Variants in ANKS1B observed in about 807,000 individuals in gnomAD.
The protein encoded by ANKS1B is ankyrin repeat and sterile alpha motif domain containing 1B.
ANKS1B carries 36 observed loss-of-function variants against 148.3 expected under a neutral mutation model. The observed-to-expected ratio is 0.24, with a 90% CI of 0.19 to 0.32. ANKS1B has a LOEUF of 0.32. ANKS1B is among the 10% of genes least tolerant of loss of function. The pLI is 1.00. For missense variants in ANKS1B, 1,157 were observed against 1,542.6 expected, an observed-to-expected ratio of 0.75 and a Z score of 4.19; for synonymous variants, 542 against 560.8, an observed-to-expected ratio of 0.97 and a Z score of 0.47.
chr12:99,373,254 A>C (rs2093236271), intron 12 of ANKS1B, among the ~76,000 whole-genome samples: 2 of 152,166 alleles, frequency 1.3e-5, no homozygotes, highest in Admixed American at 1.3e-4. Context: ...ATGTAACTGT[A>C]AAGAGTCAGT....
chr12:99,957,245 T>C (rs17029879), intron 1 of ANKS1B, among the ~76,000 whole-genome samples: 6,112 of 152,182 alleles, frequency 0.04, 393 homozygotes, highest in African/African-American at 0.14. Context: ...ATTGATCAAG[T>C]TCTTTCCCTT....
chr12:99,977,444 C>A (rs1341405898), intron 1 of ANKS1B, among the ~76,000 whole-genome samples: 2 of 152,208 alleles, frequency 1.3e-5, no homozygotes, highest in Admixed American at 1.3e-4. Flanking sequence ...CCACCACGTC[C>A]AGACAGATCC....
intron 12 of ANKS1B, among the ~76,000 whole-genome samples, chr12:99,260,276 A>G (rs956663307): frequency 2.6e-5 from 4 of 152,244 alleles, no homozygotes; most frequent in African/African-American, 9.6e-5. Flanking sequence ...AGGGACAGAA[A>G]CTATTTTTAA....
chr12:99,668,793 CATG>C (rs1368676402), intron 8 of ANKS1B, among the ~76,000 whole-genome samples: 3 of 151,948 alleles, frequency 2.0e-5, no homozygotes, highest in Non-Finnish European at 2.9e-5. Context: ...TGTTTCATTG[CATG>C]ATATTTTTTC....
intron 9 of ANKS1B, among the ~76,000 whole-genome samples, chr12:99,529,967 T>C (rs1379261277): frequency 6.6e-6 from 1 of 152,236 alleles, no homozygotes; most frequent in Non-Finnish European, 1.5e-5. Context: ...TCTTATTTAC[T>C]CTCTAAATTA....
chr12:99,866,131 G>A (rs993267331), intron 1 of ANKS1B, among the ~76,000 whole-genome samples: 1 of 152,130 alleles, frequency 6.6e-6, no homozygotes, highest in Admixed American at 6.6e-5. Context: ...TAATTCTGCT[G>A]ACTACCCAAT....
chr12:99,150,585 A>G (rs1356588451), intron 15 of ANKS1B, among the ~76,000 whole-genome samples: 5 of 152,134 alleles, frequency 3.3e-5, no homozygotes. Context: ...TAAGATAAGA[A>G]TAGATTCTTT....
chr12:99,110,353 C>T (rs992663616), intron 15 of ANKS1B, among the ~76,000 whole-genome samples: 8 of 152,142 alleles, frequency 5.3e-5, no homozygotes, highest in African/African-American at 1.7e-4. Flanking sequence ...GATAAGCCTA[C>T]TGCAGTTGGG....
At chr12:99,543,528 C>T (rs936530511) in intron 9 of ANKS1B, among the ~76,000 whole-genome samples, 7 of 152,106 alleles carry the variant, frequency 4.6e-5, no homozygotes, top group African/African-American at 1.4e-4. Context: ...CACATAAATG[C>T]TCATAGCAGC....
chr12:99,410,073 C>T (rs919895775), intron 11 of ANKS1B, among the ~76,000 whole-genome samples: 2 of 152,210 alleles, frequency 1.3e-5, no homozygotes, highest in African/African-American at 4.8e-5. Flanking sequence ...AGCCAGGCTT[C>T]TGAATATTTT....
intron 8 of ANKS1B, among the ~76,000 whole-genome samples, chr12:99,724,020 T>C (rs1387529711): frequency 6.6e-6 from 1 of 150,740 alleles, no homozygotes; most frequent in Non-Finnish European, 1.5e-5. Context: ...ATATCAAAAC[T>C]AGACAAATTC....
intron 1 of ANKS1B, among the ~76,000 whole-genome samples, chr12:99,945,705 C>T (rs141336329): frequency 1.1e-4 from 16 of 152,238 alleles, no homozygotes; most frequent in African/African-American, 3.9e-4. Context: ...AAAGCAGCTG[C>T]GAGACTGTTG....
intron 12 of ANKS1B, among the ~76,000 whole-genome samples, chr12:99,248,631 G>A (rs1430002728): frequency 2.0e-5 from 3 of 152,166 alleles, no homozygotes; most frequent in African/African-American, 7.2e-5. Flanking sequence ...GTGGGATAAG[G>A]CAGCTTTCAA....
chr12:99,111,516 C>G (rs570848795), intron 15 of ANKS1B, among the ~76,000 whole-genome samples: 5 of 151,796 alleles, frequency 3.3e-5, no homozygotes, highest in Admixed American at 2.6e-4. Context: ...ATTATATAAG[C>G]TAATGTGTAT....
At chr12:99,303,946 G>C (rs946393737) in intron 12 of ANKS1B, among the ~76,000 whole-genome samples, 45 of 152,236 alleles carry the variant, frequency 3.0e-4, no homozygotes, top group African/African-American at 9.6e-4. Context: ...AGGTTGCTGA[G>C]AATGCCATTA....
chr12:98,791,517 A>C (rs1044787935), intron 22 of ANKS1B, among the ~76,000 whole-genome samples: 1 of 151,986 alleles, frequency 6.6e-6, no homozygotes, highest in African/African-American at 2.4e-5. Context: ...GAGTGAAAGA[A>C]AATAATTGAT....
intron 10 of ANKS1B, among the ~76,000 whole-genome samples, chr12:99,497,967 A>G (rs1181825663): frequency 2.0e-5 from 3 of 152,152 alleles, no homozygotes; most frequent in African/African-American, 4.8e-5. Context: ...GTTAACCTAA[A>G]GCATTGAATG....
intron 4 of ANKS1B, among the ~76,000 whole-genome samples, chr12:99,793,983 T>C (rs1241906681): frequency 6.6e-6 from 1 of 151,888 alleles, no homozygotes; most frequent in Non-Finnish European, 1.5e-5. Flanking sequence ...GGAAAACATC[T>C]AATAATACAA....
chr12:98,837,513 A>AT (rs1183186393), intron 17 of ANKS1B, among the ~76,000 whole-genome samples: 6 of 152,234 alleles, frequency 3.9e-5, no homozygotes, highest in Non-Finnish European at 7.4e-5. Flanking sequence ...GCCTCCAGGA[A>AT]TTTTCTCCAG....
Sources: allele counts gnomAD v4.1 joint callset (sites outside exome capture counted in the v4.1 genomes callset), GRCh38; gene constraint gnomAD v4.1.1; transcripts MANE v1.5; gene names NCBI Gene and HGNC (gene_info 2026-07-23, HGNC 2026-07-21).